The following PCSK5 variants were observed in gnomAD, a reference collection of about 807,000 sequenced individuals.
PCSK5 encodes the protein proprotein convertase subtilisin/kexin type 5.
In PCSK5, 129 loss-of-function variants were observed where a neutral mutation model predicts 233.2. That is an observed-to-expected ratio of 0.55 (90% CI 0.48 to 0.64). The LOEUF (loss-of-function observed/expected upper bound fraction) is 0.64. Ranked by LOEUF, PCSK5 falls within the 30% of genes least tolerant of loss-of-function variation. The probability of loss-of-function intolerance (pLI) is 0.00; values close to 1 mark genes in which losing one functional copy is unlikely to be tolerated. For missense variants in PCSK5, 2,076 were observed against 2,430.1 expected (o/e 0.85, Z 3.06); for synonymous variants, 825 against 879.2 (o/e 0.94, Z 1.09).
At chr9:76,179,466 T>G in intron 14 of PCSK5, 130 bp from the exon 15 acceptor site, 2 of 607,098 alleles carry the variant, frequency 3.3e-6, no homozygotes, top group Non-Finnish European at 5.7e-6. Flanking sequence ...ACATTGACAA[T>G]TATTCCTCTG....
chr9:76,039,386 G>T (rs995686395), intron 5 of PCSK5, among the ~76,000 whole-genome samples: 3 of 152,078 alleles, frequency 2.0e-5, no homozygotes, highest in Non-Finnish European at 1.5e-5. Flanking sequence ...GTTAAGGATG[G>T]TACCCATATC....
At chr9:76,300,433 C>T (rs1178807240) in intron 27 of PCSK5, among the ~76,000 whole-genome samples, 2 of 152,128 alleles carry the variant, frequency 1.3e-5, no homozygotes, top group Non-Finnish European at 2.9e-5. Flanking sequence ...ATCAGCTTGC[C>T]CAGATCGTTA....
intron 28 of PCSK5, among the ~76,000 whole-genome samples, chr9:76,308,068 G>A (rs1484168614): frequency 6.6e-6 from 1 of 151,974 alleles, no homozygotes; most frequent in African/African-American, 2.4e-5. Context: ...ATGGTAGTGC[G>A]CACCTGTAAT....
At chr9:75,892,636 T>C (rs1008024857) in intron 1 of PCSK5, among the ~76,000 whole-genome samples, 3 of 152,150 alleles carry the variant, frequency 2.0e-5, no homozygotes, top group African/African-American at 4.8e-5. Flanking sequence ...TCTGAGGCCA[T>C]TGCGTTCCAC....
chr9:76,072,499 A>T (rs1183826772), intron 7 of PCSK5, among the ~76,000 whole-genome samples: 8 of 152,260 alleles, frequency 5.3e-5, no homozygotes, highest in African/African-American at 1.9e-4. Flanking sequence ...ACCCTGTCTC[A>T]TTTAAATTAA....
chr9:76,060,190 A>G (rs1388810042), intron 5 of PCSK5, among the ~76,000 whole-genome samples: 1 of 152,228 alleles, frequency 6.6e-6, no homozygotes, highest in Non-Finnish European at 1.5e-5. Context: ...ACTCCATTCC[A>G]TGCAGCTGAA....
chr9:76,354,996 C>T (rs1034994352), intron 37 of PCSK5, among the ~76,000 whole-genome samples: 105 of 152,268 alleles, frequency 6.9e-4, no homozygotes, highest in African/African-American at 2.2e-3. Context: ...TCAGCCCAAA[C>T]CTAGGCCTCT....
chr9:75,965,628 A>T (rs539892190), intron 2 of PCSK5, among the ~76,000 whole-genome samples: 2 of 152,322 alleles, frequency 1.3e-5, no homozygotes, highest in East Asian at 3.9e-4. Context: ...CACCAATTCG[A>T]TGCTGATCCT....
chr9:75,981,300 A>G (rs1826267651), intron 2 of PCSK5, among the ~76,000 whole-genome samples: 1 of 152,222 alleles, frequency 6.6e-6, no homozygotes, highest in Non-Finnish European at 1.5e-5. Flanking sequence ...AGTAGAGGAC[A>G]CATTTAGTAT....
intron 12 of PCSK5, among the ~76,000 whole-genome samples, chr9:76,166,841 T>A (rs1408633576): frequency 6.6e-6 from 1 of 152,194 alleles, no homozygotes; most frequent in Non-Finnish European, 1.5e-5. Context: ...TTTAACAACA[T>A]CTCTCTGTTA....
chr9:76,071,396 G>A (rs1198226647), intron 6 of PCSK5, among the ~76,000 whole-genome samples: 1 of 152,188 alleles, frequency 6.6e-6, no homozygotes, highest in African/African-American at 2.4e-5. Context: ...GTTTAAGGGA[G>A]ATGGATTGCT....
chr9:76,146,528 G>GTGTA (rs1554693732), intron 10 of PCSK5, among the ~76,000 whole-genome samples: 4 of 148,654 alleles, frequency 2.7e-5, no homozygotes, highest in African/African-American at 9.9e-5. Context: ...ATACATGTAT[G>GTGTA]TATATATATA....
intron 5 of PCSK5, among the ~76,000 whole-genome samples, chr9:76,046,325 G>A (rs189131359): frequency 0.011 from 1,577 of 149,730 alleles, 10 homozygotes; most frequent in Non-Finnish European, 0.017. Flanking sequence ...TTACAGGCGC[G>A]CGCCGCTATG....
In PCSK5 at chr9:75,909,173, A is replaced by G. The variant is rs535526245; in HGVS notation, c.192+17800A>G. ...AACCCTTTCTCTACTAAAAATACAA[A>G]AATTAGCCAGGTGTGGTGATGCACA... On this transcript the variant is annotated intron_variant, in intron 1 of 37. Transcript: ENST00000674117. Among the ~76,000 whole-genome samples, 6 of 151,030 alleles carry G rather than the reference A, an allele frequency of 4.0e-5. No homozygotes were observed. In the South Asian group the frequency reaches 6.3e-4, roughly 16 times the overall value.
chr9:75,976,143 A>G (rs1047311129), intron 2 of PCSK5, among the ~76,000 whole-genome samples: 2 of 152,124 alleles, frequency 1.3e-5, no homozygotes, highest in African/African-American at 4.8e-5. Flanking sequence ...AGAACCTGAA[A>G]TACAAGTTAG....
rs5898457 is a variant in PCSK5 at position 76,192,067 on chromosome 9, C to CAAAAAAAAAAAAAAAAAA, written c.2626+2324_2626+2341dup. 3.0e-5 allele frequency among the ~76,000 whole-genome samples: 3 copies of CAAAAAAAAAAAAAAAAAA among 101,228 alleles called. 1 individual carries two copies. The highest frequency in any genetic ancestry group is 4.0e-5 in the African/African-American group (1 of 24,772). 66.4% of individuals were successfully genotyped at this position (101,228 alleles called of 152,430 possible). On this transcript the variant is annotated intron_variant, in intron 20 of 37. Coordinates refer to ENST00000674117, the MANE Select transcript of PCSK5 (RefSeq NM_001372043.1). The stretch of plus-strand genomic sequence containing the variant: ...CCTAGGCAACAGAGCAAGACTGTCT[C>CAAAAAAAAAAAAAAAAAA]AAAAAAAAAAAAAAAAAAAAGAAGT...
At chr9:76,351,512 GAAAGAAAGAAAGA>G (rs1830146284) in intron 36 of PCSK5, among the ~76,000 whole-genome samples, 3 of 108,946 alleles carry the variant, frequency 2.8e-5, no homozygotes, top group African/African-American at 9.9e-5. Context: ...AAGAAAGAAA[GAAAGAAAGAAAGA>G]AAGAAAGGAA....
intron 1 of PCSK5, among the ~76,000 whole-genome samples, chr9:75,915,837 A>G (rs1278607883): frequency 1.3e-5 from 2 of 152,230 alleles, no homozygotes; most frequent in East Asian, 3.8e-4. Context: ...TATTGAGTTT[A>G]TCTTTTACAT....
In PCSK5 at chr9:75,984,948, G is replaced by C. The variant is rs1419809751; in HGVS notation, c.298-1184G>C. Among the ~76,000 whole-genome samples, 3 of 152,160 alleles carry C rather than the reference G, an allele frequency of 2.0e-5. 1 individual carries two copies. The highest frequency in any genetic ancestry group is 1.9e-4 in the East Asian group (1 of 5,188). On this transcript the variant is annotated intron_variant, in intron 2 of 37. Coordinates refer to ENST00000674117, the MANE Select transcript of PCSK5 (RefSeq NM_001372043.1). Reference sequence around the variant, plus strand: ...TCTTTTAATTGAGCAGGTGAGAGAGGTCTTAAAATGTTTACTGAATGGCTG... The same window carrying C: ...TCTTTTAATTGAGCAGGTGAGAGAGCTCTTAAAATGTTTACTGAATGGCTG...
Sources: gnomAD v4.1 joint callset for allele counts (sites outside exome capture counted in the v4.1 genomes callset) on GRCh38, gnomAD v4.1.1 for gene constraint, MANE v1.5 for transcripts, NCBI Gene and HGNC (gene_info 2026-07-23, HGNC 2026-07-21) for gene names.